PCDHGB1: variants seen among roughly 807,000 people sequenced by gnomAD.
PCDHGB1 encodes protocadherin gamma subfamily B, 1.
In PCDHGB1, 34 loss-of-function variants were observed where a neutral mutation model predicts 56.6. The observed-to-expected ratio is 0.60, with a 90% CI of 0.46 to 0.80. PCDHGB1 has a LOEUF of 0.80. Among genes scored for constraint, PCDHGB1 ranks in the 30% least tolerant of loss-of-function variants. The pLI, the probability that PCDHGB1 is intolerant of heterozygous loss-of-function variation, is 0.00. For missense variants in PCDHGB1, 1,278 were observed against 1,204.6 expected (o/e 1.06, Z -0.90); for synonymous variants, 561 against 505.9 (o/e 1.11, Z -1.46).
In PCDHGB1 at chr5:141,462,600, A is replaced by G. The variant is rs2154567827; in HGVS notation, c.2410-32207A>G. ...ATCCAGTGAAGTTTCCATTTCATAT[A>G]TTGTATTTTTCACTTTTAGAAGTTC... is the stretch of plus-strand genomic sequence containing the variant. On this transcript the variant is annotated intron_variant, in intron 1 of 3. Coordinates refer to ENST00000523390, the MANE Select transcript of PCDHGB1 (RefSeq NM_018922.3). Among the ~76,000 whole-genome samples, 6 of 152,076 alleles carry G rather than the reference A, an allele frequency of 3.9e-5. No homozygotes were observed. In the Middle Eastern group the frequency reaches 0.014, roughly 345 times the overall value.
chr5:141,415,355 G>A (rs1200011688), intron 1 of PCDHGB1: 2 of 1,614,210 alleles, frequency 1.2e-6, no homozygotes, highest in Non-Finnish European at 1.7e-6. Context: ...CACAAGTCAC[G>A]CCTGCTGCAG....
At position 141,489,369 on chromosome 5, in the gene PCDHGB1, G is replaced by T; in HGVS notation, c.2410-5438G>T. ...TGGTGGAGGAGTCTGAGCCGGGGAC[G>T]CTGGTGGGGAATGTTGCTCAGGATC... On this transcript the variant is annotated intron_variant, in intron 1 of 3. Coordinates refer to ENST00000523390, the MANE Select transcript of PCDHGB1 (RefSeq NM_018922.3). This position sits in a 1 kb window ranked among gnomAD's most constrained non-coding sequence, Gnocchi z 4.5. 6.2e-7 allele frequency: 1 copy of T among 1,613,592 alleles called. No homozygotes were observed.
chr5:141,383,272 G>T (rs369691483), intron 1 of PCDHGB1: 13 of 1,613,802 alleles, frequency 8.1e-6, no homozygotes, highest in African/African-American at 1.3e-5. Flanking sequence ...GGAAATAATA[G>T]ATATTAATGA....
chr5:141,458,609 A>T (rs1037852455), intron 1 of PCDHGB1, among the ~76,000 whole-genome samples: 1 of 152,004 alleles, frequency 6.6e-6, no homozygotes, highest in Non-Finnish European at 1.5e-5. Flanking sequence ...TCACTCTGTC[A>T]GCCAGGCTGG....
intron 1 of PCDHGB1, chr5:141,362,061 G>A (rs1318131072): frequency 6.2e-7 from 1 of 1,612,208 alleles, no homozygotes; most frequent in South Asian, 1.1e-5. Flanking sequence ...GCCAGCGCCT[G>A]CTGGTCGCTG....
intron 1 of PCDHGB1, chr5:141,423,659 A>C (rs369390148): frequency 6.4e-7 from 1 of 1,551,038 alleles, no homozygotes; most frequent in African/African-American, 1.4e-5. Flanking sequence ...ACAAGTAATC[A>C]GGTGAGATTT....
chr5:141,387,606 T>C, intron 1 of PCDHGB1: 1 of 549,218 alleles, frequency 1.8e-6, no homozygotes, highest in Non-Finnish European at 3.2e-6. Context: ...GCAGAGGCTG[T>C]AGTTTCCTAG....
At position 141,487,425 on chromosome 5, in the gene PCDHGB1, G is replaced by A. The variant is rs116499036; in HGVS notation, c.2410-7382G>A. ...CTTCCCCCTTCCAATGGGATCCTCCGAATCCAGCTAGGGTCAGATGACCCT... is the reference window on the plus strand; with the variant it reads ...CTTCCCCCTTCCAATGGGATCCTCCAAATCCAGCTAGGGTCAGATGACCCT... On this transcript the variant is annotated intron_variant, in intron 1 of 3. Coordinates refer to ENST00000523390, the MANE Select transcript of PCDHGB1 (RefSeq NM_018922.3). This position sits in a 1 kb window ranked among gnomAD's most constrained non-coding sequence, Gnocchi z 5.0. The A allele has an allele frequency of 1.1e-5, 17 of 1,613,988 alleles. No individual in the cohort carries two copies. The highest frequency in any genetic ancestry group is 1.6e-4 in the Middle Eastern group (1 of 6,084).
chr5:141,372,536 C>T, intron 1 of PCDHGB1: 1 of 1,614,034 alleles, frequency 6.2e-7, no homozygotes, highest in East Asian at 2.2e-5. Flanking sequence ...TCTCCCTGCG[C>T]CTGCGATGCT....
intron 1 of PCDHGB1, among the ~76,000 whole-genome samples, chr5:141,407,816 ATAT>A (rs1270765996): frequency 6.6e-6 from 1 of 152,228 alleles, no homozygotes; most frequent in Non-Finnish European, 1.5e-5. Context: ...ATCTACTATA[ATAT>A]TATGGTGAGA....
At chr5:141,446,390 G>A (rs2098500089) in intron 1 of PCDHGB1, among the ~76,000 whole-genome samples, 1 of 152,284 alleles carries the variant, frequency 6.6e-6, no homozygotes, top group African/African-American at 2.4e-5. Context: ...ATAGATTTAA[G>A]AGAAATCGAG....
chr5:141,401,429 G>A lies in PCDHGB1; in HGVS notation c.2409+48760G>A, dbSNP rs1305820458. ...AGAGAAAGAGAGAGACTGATTCACT[G>A]AACTTAGAAGGTCCAAATCATCCAA... On this transcript the variant is annotated intron_variant, in intron 1 of 3. Coordinates refer to ENST00000523390, the MANE Select transcript of PCDHGB1 (RefSeq NM_018922.3). Among the ~76,000 whole-genome samples the A allele has an allele frequency of 2.6e-5, 4 of 152,182 alleles. No homozygotes were observed. In the East Asian group the frequency reaches 7.7e-4, roughly 29 times the overall value.
At chr5:141,382,962 G>C in intron 1 of PCDHGB1, 1 of 1,607,858 alleles carries the variant, frequency 6.2e-7, no homozygotes, top group Admixed American at 1.7e-5. Flanking sequence ...TCCTCCTGGG[G>C]ACCCCCTGGG....
intron 1 of PCDHGB1, chr5:141,409,027 TGA>T: frequency 1.9e-6 from 3 of 1,613,978 alleles, no homozygotes; most frequent in Non-Finnish European, 2.5e-6. Context: ...GGGTCAATGC[TGA>T]GATAAACTAC....
chr5:141,440,780 C>T (rs748247053), intron 1 of PCDHGB1: 1 of 152,158 alleles, frequency 6.6e-6, no homozygotes, highest in African/African-American at 2.4e-5. Flanking sequence ...GTGCTAGCAG[C>T]CTTAGACGGC....
chr5:141,370,436 G>A, intron 1 of PCDHGB1: 1 of 1,604,136 alleles, frequency 6.2e-7, no homozygotes, highest in Non-Finnish European at 8.5e-7. Context: ...CAGGGCAGAG[G>A]CGAATGCTAT....
At chr5:141,370,760 G>C (rs773157241) in intron 1 of PCDHGB1, 3 of 1,613,980 alleles carry the variant, frequency 1.9e-6, no homozygotes, top group Non-Finnish European at 8.5e-7. Context: ...TAACTGTGCT[G>C]ATCCAGGATA....
intron 1 of PCDHGB1, chr5:141,360,302 T>C: frequency 8.1e-6 from 13 of 1,613,882 alleles, no homozygotes; most frequent in Non-Finnish European, 1.1e-5. Flanking sequence ...GATCTGGGGC[T>C]CAGCGTCCGG....
chr5:141,467,371 A>G, intron 1 of PCDHGB1, among the ~76,000 whole-genome samples: 1 of 151,906 alleles, frequency 6.6e-6, no homozygotes, highest in Non-Finnish European at 1.5e-5. Context: ...GTTTTCTTAT[A>G]TTGCATTTAG....
Sources: allele counts gnomAD v4.1 joint callset (sites outside exome capture counted in the v4.1 genomes callset), GRCh38; gene constraint gnomAD v4.1.1; non-coding constraint Gnocchi (gnomAD v3.1); transcripts MANE v1.5; gene names NCBI Gene and HGNC (gene_info 2026-07-23, HGNC 2026-07-21).